EMILIN2: variants seen among roughly 807,000 people sequenced by gnomAD.
The protein encoded by EMILIN2 is EMILIN-2.
EMILIN2 carries 71 observed loss-of-function variants against 87.1 expected under a neutral mutation model. That is an observed-to-expected ratio of 0.82 (90% CI 0.67 to 0.99). EMILIN2 has a LOEUF of 0.99. Among genes scored for constraint, EMILIN2 ranks in the 50% least tolerant of loss-of-function variants. The probability of loss-of-function intolerance (pLI) is 0.00; values close to 1 mark genes in which losing one functional copy is unlikely to be tolerated. For missense variants in EMILIN2, 1,407 were observed against 1,371.8 expected (o/e 1.03, Z -0.40); for synonymous variants, 581 against 563.4 (o/e 1.03, Z -0.44).
intron 2 of EMILIN2, among the ~76,000 whole-genome samples, chr18:2,852,656 T>A (rs996583635): frequency 4.6e-5 from 7 of 152,140 alleles, no homozygotes; most frequent in African/African-American, 1.4e-4. Context: ...GTAGCTGAGA[T>A]TACAGGCCTG....
intron 4 of EMILIN2, among the ~76,000 whole-genome samples, chr18:2,900,626 G>A (rs892121257): frequency 4.6e-5 from 7 of 152,000 alleles, no homozygotes; most frequent in Non-Finnish European, 8.8e-5. Flanking sequence ...TCCCGCAGGG[G>A]AGACCAACTG....
intron 2 of EMILIN2, among the ~76,000 whole-genome samples, chr18:2,869,573 T>A (rs1258724424): frequency 6.6e-6 from 1 of 152,192 alleles, no homozygotes; most frequent in Non-Finnish European, 1.5e-5. Context: ...ATTTTGAGAT[T>A]CATTCATGTT....
At chr18:2,858,685 G>GAGTGC (rs1420444863) in intron 2 of EMILIN2, among the ~76,000 whole-genome samples, 1 of 148,308 alleles carries the variant, frequency 6.7e-6, no homozygotes, top group Non-Finnish European at 1.5e-5. Context: ...CCAGGCTCTG[G>GAGTGC]AGTGCAGTGG....
chr18:2,865,617 C>T (rs891535924), intron 2 of EMILIN2, among the ~76,000 whole-genome samples: 1 of 152,186 alleles, frequency 6.6e-6, no homozygotes, highest in Non-Finnish European at 1.5e-5. Flanking sequence ...TGAGTCTGCC[C>T]CTACTGGGGG....
rs535403576 is a variant in EMILIN2 at position 2,895,352 on chromosome 18, T to A, written c.2359+2866T>A. ...GCTTCCAGGAGGAGGTGTTACTGGATCTGATTGAGGGATGGGTGGGATTCA... is the reference window on the plus strand; with the variant it reads ...GCTTCCAGGAGGAGGTGTTACTGGAACTGATTGAGGGATGGGTGGGATTCA... On this transcript the variant is annotated intron_variant, in intron 4 of 7. Transcript: ENST00000254528. 2.3e-4 allele frequency among the ~76,000 whole-genome samples: 35 copies of A among 152,196 alleles called. No homozygotes were observed. The South Asian group carries it at 4.6e-3, about 20-fold the overall frequency.
At chr18:2,910,782 C>T (rs1356823281) in intron 7 of EMILIN2, among the ~76,000 whole-genome samples, 1 of 152,228 alleles carries the variant, frequency 6.6e-6, no homozygotes, top group Non-Finnish European at 1.5e-5. Flanking sequence ...GGCTAAATCC[C>T]ATCTGTCCTT....
In EMILIN2 at chr18:2,891,050, T is replaced by A. The variant is rs745563121; in HGVS notation, c.923T>A (p.Met308Lys). ...QEAAQGPTVT[M>K]TTNELYQAYV... ...GCAGCTCAGGGCCCGACGGTGACCA[T>A]GACAACCAACGAACTCTACCAAGCC... The change falls in exon 4 of 8, where the codon ATG becomes AAG. Residue 308 changes from methionine (M) to lysine (K), a missense_variant. Met to Lys is a moderately conservative substitution (Grantham distance 95). Coordinates refer to ENST00000254528, the MANE Select transcript of EMILIN2 (RefSeq NM_032048.3). This position sits in a 1 kb window ranked among gnomAD's most constrained non-coding sequence, Gnocchi z 4.6. The A allele has an allele frequency of 9.9e-6, 16 of 1,614,162 alleles. No individual in the cohort carries two copies. Among genetic ancestry groups the A allele is most frequent in the Non-Finnish European group, 1.3e-5 (15 of 1,180,044 alleles).
chr18:2,911,798 G>C (rs1007297918), intron 7 of EMILIN2, among the ~76,000 whole-genome samples: 2 of 152,194 alleles, frequency 1.3e-5, no homozygotes, highest in Non-Finnish European at 2.9e-5. Context: ...GCATGGAGCA[G>C]GTGCAGAAAG....
In EMILIN2 at chr18:2,847,479, A is replaced by T. The variant is rs1274067836; in HGVS notation, c.134+157A>T. On this transcript the variant is annotated intron_variant, in intron 1 of 7. Coordinates refer to ENST00000254528, the MANE Select transcript of EMILIN2 (RefSeq NM_032048.3). This position sits in a 1 kb window ranked among gnomAD's most constrained non-coding sequence, Gnocchi z 4.5. ...CTCTGCGGGGGACCGCGCGCTCCGC[A>T]GCCGGCGCCTCAGGCAGAGCTGACT... Among the ~76,000 whole-genome samples, 5 of 152,136 alleles carry T rather than the reference A, an allele frequency of 3.3e-5. No homozygotes were observed. Among genetic ancestry groups the T allele is most frequent in the African/African-American group, 9.7e-5 (4 of 41,442 alleles).
chr18:2,883,626 G>A (rs9954702), intron 2 of EMILIN2, among the ~76,000 whole-genome samples: 2,734 of 152,312 alleles, frequency 0.018, 80 homozygotes, highest in African/African-American at 0.061. Context: ...TGGTGAGCCC[G>A]GGACTGCAGG....
At chr18:2,861,714 A>G (rs925490015) in intron 2 of EMILIN2, among the ~76,000 whole-genome samples, 77 of 152,240 alleles carry the variant, frequency 5.1e-4, no homozygotes, top group African/African-American at 1.6e-3. Flanking sequence ...TTGGCGATGC[A>G]GGCTCTTTTT....
intron 2 of EMILIN2, among the ~76,000 whole-genome samples, chr18:2,873,263 A>C (rs1025506380): frequency 6.6e-6 from 1 of 151,794 alleles, no homozygotes; most frequent in Non-Finnish European, 1.5e-5. Flanking sequence ...ATACAAAATT[A>C]CCCAGACATG....
rs750478544 is a variant in EMILIN2, at chr18:2,913,694, G to A, written c.*290G>A. ...CTACACTCTGAGGGCCCTGGACTGG[G>A]CCTGAGCTTGCCACAGAGGCTCCGT... is the stretch of plus-strand genomic sequence containing the variant. On this transcript the variant is annotated 3_prime_UTR_variant, in exon 8 of 8. Coordinates refer to ENST00000254528, the MANE Select transcript of EMILIN2 (RefSeq NM_032048.3). 4.2e-5 allele frequency: 14 copies of A among 332,754 alleles called. No homozygotes were observed. Among genetic ancestry groups the A allele is most frequent in the Non-Finnish European group, 6.6e-5 (12 of 180,602 alleles). 20.6% of individuals were successfully genotyped at this position (332,754 alleles called of 1,614,324 possible).
At chr18:2,909,162 G>C (rs1036658076) in intron 6 of EMILIN2, among the ~76,000 whole-genome samples, 187 bp downstream of exon 6, 5 of 152,138 alleles carry the variant, frequency 3.3e-5, no homozygotes, top group Non-Finnish European at 5.9e-5. Context: ...CCCAAGGTTT[G>C]CTCCCCAGAG....
intron 4 of EMILIN2, among the ~76,000 whole-genome samples, chr18:2,893,431 A>G (rs1048417930): frequency 6.6e-6 from 1 of 152,258 alleles, no homozygotes; most frequent in African/African-American, 2.4e-5. Context: ...CTAAAGCTCC[A>G]TAGTGCCTGC....
intron 2 of EMILIN2, among the ~76,000 whole-genome samples, chr18:2,861,950 A>T (rs991028286): frequency 6.6e-6 from 1 of 152,024 alleles, no homozygotes; most frequent in African/African-American, 2.4e-5. Flanking sequence ...GTCCTTCACA[A>T]TCCTTGTAAG....
chr18:2,868,791 A>AG (rs2076704196), intron 2 of EMILIN2, among the ~76,000 whole-genome samples: 1 of 152,106 alleles, frequency 6.6e-6, no homozygotes, highest in Non-Finnish European at 1.5e-5. Flanking sequence ...CCGTGGAAAG[A>AG]GGAGAGGGAG....
intron 4 of EMILIN2, among the ~76,000 whole-genome samples, chr18:2,899,628 C>T (rs2076879705): frequency 6.6e-6 from 1 of 152,060 alleles, no homozygotes; most frequent in Non-Finnish European, 1.5e-5. Context: ...CCTCAGCCAC[C>T]CGAATAGCTG....
intron 2 of EMILIN2, among the ~76,000 whole-genome samples, chr18:2,873,711 TA>T (rs1207512835): frequency 6.1e-5 from 7 of 114,392 alleles, no homozygotes; most frequent in African/African-American, 2.3e-4. Flanking sequence ...CATCTCAAAA[TA>T]AATAAATAAA....
Sources: gnomAD v4.1 joint callset for allele counts (sites outside exome capture counted in the v4.1 genomes callset) on GRCh38, gnomAD v4.1.1 for gene constraint, Gnocchi (gnomAD v3.1) non-coding constraint, MANE v1.5 for transcripts, NCBI Gene and HGNC (gene_info 2026-07-23, HGNC 2026-07-21) for gene names.